ZHX2: variants seen among roughly 807,000 people sequenced by gnomAD.
ZHX2 encodes zinc fingers and homeoboxes 2.
Under a neutral mutation model 21.9 loss-of-function variants are expected in ZHX2, and 6 were observed. That is an observed-to-expected ratio of 0.27 (90% CI 0.15 to 0.54). The LOEUF (loss-of-function observed/expected upper bound fraction) is 0.54, where lower values mean the gene tolerates loss of function less well. Ranked by LOEUF, ZHX2 falls within the 20% of genes least tolerant of loss-of-function variation. The pLI is 0.95. For missense variants in ZHX2, 908 were observed against 1,090.7 expected, an observed-to-expected ratio of 0.83 and a Z score of 2.36; for synonymous variants, 434 against 437.1, an observed-to-expected ratio of 0.99 and a Z score of 0.09.
intron 1 of ZHX2, among the ~76,000 whole-genome samples, chr8:122,807,082 G>A (rs1180831404): frequency 1.3e-5 from 2 of 152,174 alleles, no homozygotes; most frequent in Non-Finnish European, 2.9e-5. Context: ...CCCTTGGTGA[G>A]TGGGAGCTGC....
At chr8:122,898,658 A>G (rs1820153931) in intron 2 of ZHX2, among the ~76,000 whole-genome samples, 1 of 152,348 alleles carries the variant, frequency 6.6e-6, no homozygotes, top group African/African-American at 2.4e-5. Context: ...GAAAAACACT[A>G]GCAGCTGATA....
At chr8:122,787,844 A>C (rs1364615448) in intron 1 of ZHX2, among the ~76,000 whole-genome samples, 1 of 152,204 alleles carries the variant, frequency 6.6e-6, no homozygotes, top group Non-Finnish European at 1.5e-5. Flanking sequence ...TCTGCAGAAA[A>C]CTGAGGAAGG....
At chr8:122,832,299 A>T (rs548826319) in intron 1 of ZHX2, among the ~76,000 whole-genome samples, 1 of 152,252 alleles carries the variant, frequency 6.6e-6, no homozygotes, top group East Asian at 1.9e-4. Context: ...GGTTGAATAA[A>T]CTGTTAGTTT....
At chr8:122,835,895 A>G (rs1379347813) in intron 1 of ZHX2, among the ~76,000 whole-genome samples, 2 of 152,162 alleles carry the variant, frequency 1.3e-5, no homozygotes, top group Non-Finnish European at 2.9e-5. Flanking sequence ...TTTAATTCGT[A>G]TTGTGGCCAG....
chr8:122,959,045 C>T (rs369843559), intron 3 of ZHX2, among the ~76,000 whole-genome samples: 5 of 152,288 alleles, frequency 3.3e-5, no homozygotes, highest in East Asian at 1.9e-4. Context: ...TCCCACCAAC[C>T]TACATGTGCA....
At chr8:122,792,434 C>T (rs1022492270) in intron 1 of ZHX2, among the ~76,000 whole-genome samples, 3 of 152,146 alleles carry the variant, frequency 2.0e-5, no homozygotes, top group Admixed American at 6.5e-5. Context: ...TGTGAACATT[C>T]GTATACAAGT....
chr8:122,896,615 T>G (rs78948370), intron 2 of ZHX2, among the ~76,000 whole-genome samples: 2 of 152,256 alleles, frequency 1.3e-5, no homozygotes, highest in African/African-American at 2.4e-5. Flanking sequence ...GTTTTTCTCC[T>G]GACAAGGAAC....
chr8:122,794,089 C>G (rs1817574644), intron 1 of ZHX2, among the ~76,000 whole-genome samples: 1 of 152,210 alleles, frequency 6.6e-6, no homozygotes. Flanking sequence ...CCCCAACCCC[C>G]TGCCACCTGA....
chr8:122,899,100 C>T (rs1029282031), intron 2 of ZHX2, among the ~76,000 whole-genome samples: 4 of 152,156 alleles, frequency 2.6e-5, no homozygotes, highest in African/African-American at 9.7e-5. Context: ...TCCCTCCTGG[C>T]CCAAGGCACT....
chr8:122,812,159 G>T (rs978221312), intron 1 of ZHX2, among the ~76,000 whole-genome samples: 3 of 152,208 alleles, frequency 2.0e-5, no homozygotes, highest in African/African-American at 7.2e-5. Context: ...GCGACAGCTG[G>T]TGCAAAGACC....
chr8:122,812,835 A>T (rs945742881), intron 1 of ZHX2, among the ~76,000 whole-genome samples: 2 of 152,186 alleles, frequency 1.3e-5, no homozygotes, highest in Non-Finnish European at 2.9e-5. Flanking sequence ...ATTGCTTCCC[A>T]TGTGCCTGGC....
intron 1 of ZHX2, among the ~76,000 whole-genome samples, chr8:122,814,803 C>T (rs1817998375): frequency 1.3e-5 from 2 of 152,124 alleles, no homozygotes; most frequent in African/African-American, 2.4e-5. Flanking sequence ...AGTTGGGGTA[C>T]CCAGTAGAAG....
intron 2 of ZHX2, among the ~76,000 whole-genome samples, chr8:122,915,713 A>T (rs1820584777): frequency 6.6e-6 from 1 of 152,158 alleles, no homozygotes; most frequent in South Asian, 2.1e-4. Context: ...AAAAGGCTCC[A>T]TGTTGCGTGT....
chr8:122,809,963 A>T (rs921849287), intron 1 of ZHX2, among the ~76,000 whole-genome samples: 2 of 152,132 alleles, frequency 1.3e-5, no homozygotes, highest in African/African-American at 4.8e-5. Context: ...GTGGAGGGCT[A>T]CTTTTCATTA....
intron 1 of ZHX2, among the ~76,000 whole-genome samples, chr8:122,788,644 G>A (rs1817450234): frequency 6.6e-6 from 1 of 152,164 alleles, no homozygotes; most frequent in South Asian, 2.1e-4. Flanking sequence ...ACAGAAAGAA[G>A]GTAGCAAAGA....
chr8:122,851,042 C>T (rs1052705958), intron 1 of ZHX2, among the ~76,000 whole-genome samples: 7 of 152,266 alleles, frequency 4.6e-5, no homozygotes, highest in Admixed American at 3.9e-4. Flanking sequence ...TGGTCTTCTC[C>T]CTCACTGCAC....
intron 2 of ZHX2, among the ~76,000 whole-genome samples, chr8:122,916,518 AC>A (rs761154372): frequency 2.0e-5 from 3 of 151,938 alleles, no homozygotes; most frequent in Admixed American, 6.6e-5. Flanking sequence ...ACCTAGAGGT[AC>A]TTTTTTGAGG....
upstream of ZHX2, chr8:122,781,404 T>A (rs1041036800): frequency 2.6e-5 from 4 of 152,282 alleles, no homozygotes. This position sits in a 1 kb window ranked among gnomAD's most constrained non-coding sequence, Gnocchi z 4.6. Flanking sequence ...CCCCCTCCTC[T>A]TCTCGCAGAA....
At chr8:122,859,609 G>T (rs1819114358) in intron 1 of ZHX2, among the ~76,000 whole-genome samples, 1 of 152,064 alleles carries the variant, frequency 6.6e-6, no homozygotes, top group Non-Finnish European at 1.5e-5. Flanking sequence ...GGAGGGGAGT[G>T]GGGAGAGATG....
Sources: allele counts gnomAD v4.1 joint callset (sites outside exome capture counted in the v4.1 genomes callset), GRCh38; gene constraint gnomAD v4.1.1; non-coding constraint Gnocchi (gnomAD v3.1); transcripts MANE v1.5; gene names NCBI Gene and HGNC (gene_info 2026-07-23, HGNC 2026-07-21).